ACP7: variants seen among roughly 807,000 people sequenced by gnomAD.
ACP7 encodes acid phosphatase 7, tartrate resistant (putative), also known as acid phosphatase type 7.
ACP7 carries 58 observed loss-of-function variants against 60.6 expected under a neutral mutation model. The ratio of observed to expected loss-of-function variants is 0.96; its 90% CI spans 0.77 to 1.19. ACP7 has a LOEUF of 1.19. Among genes scored for constraint, ACP7 ranks in the 50% most tolerant of loss-of-function variants. ACP7 has a pLI of 0.00. For missense variants in ACP7, 574 were observed against 596.2 expected, an observed-to-expected ratio of 0.96 and a Z score of 0.39; for synonymous variants, 237 against 232.6, an observed-to-expected ratio of 1.02 and a Z score of -0.17.
intron 12 of ACP7, among the ~76,000 whole-genome samples, chr19:39,109,079 C>T (rs905609766): frequency 1.3e-5 from 2 of 152,174 alleles, no homozygotes; most frequent in Non-Finnish European, 1.5e-5. Flanking sequence ...ACCTGGGCCT[C>T]CCAAAGTGCT....
Position 39,110,273 on chromosome 19 carries a change from G to A in ACP7, c.*155G>A. The A allele has an allele frequency of 1.4e-6, 1 of 693,958 alleles. No individual in the cohort carries two copies. The highest frequency in any genetic ancestry group is 2.4e-6 in the Non-Finnish European group (1 of 410,888). The allele number at this position is 693,958 out of a possible 1,614,324, so 43.0% of individuals were successfully genotyped here. On this transcript the variant is annotated 3_prime_UTR_variant, in exon 13 of 13. Transcript: ENST00000331256. ...GTACATGCAGCCCTATGGAGCTGGG[G>A]CAGCTGTTCCCTCCTGGAGAGGTGG...
chr19:39,093,480 C>A (rs1313748159), intron 2 of ACP7, among the ~76,000 whole-genome samples: 1 of 152,110 alleles, frequency 6.6e-6, no homozygotes, highest in Non-Finnish European at 1.5e-5. Flanking sequence ...TCTCGAACTC[C>A]TGACCTCAAG....
intron 12 of ACP7, among the ~76,000 whole-genome samples, chr19:39,109,271 T>G (rs2073443118): frequency 6.6e-6 from 1 of 152,122 alleles, no homozygotes; most frequent in Non-Finnish European, 1.5e-5. Flanking sequence ...ATAGCTACCA[T>G]TTATCGAGTG....
chr19:39,099,579 T>G (rs1568480387), intron 4 of ACP7, among the ~76,000 whole-genome samples: 2 of 152,104 alleles, frequency 1.3e-5, no homozygotes, highest in Non-Finnish European at 2.9e-5. Flanking sequence ...TTGGGGATTG[T>G]GTGCTTCAAA....
At chr19:39,095,996 G>A (rs908087074) in intron 2 of ACP7, among the ~76,000 whole-genome samples, 2 of 152,170 alleles carry the variant, frequency 1.3e-5, no homozygotes, top group African/African-American at 4.8e-5. Flanking sequence ...GGGACCCTGG[G>A]CCCTGCCCAT....
chr19:39,090,027 T>C (rs1477445826), intron 2 of ACP7, among the ~76,000 whole-genome samples: 1 of 152,242 alleles, frequency 6.6e-6, no homozygotes, highest in African/African-American at 2.4e-5. Flanking sequence ...CAATGTTTGC[T>C]CACTAATTTT....
intron 2 of ACP7, among the ~76,000 whole-genome samples, chr19:39,088,184 G>A (rs983509352): frequency 1.3e-5 from 2 of 151,846 alleles, no homozygotes; most frequent in African/African-American, 4.8e-5. Context: ...ACCATGCCTG[G>A]CTAATTCTTT....
In ACP7 at chr19:39,100,957, T is replaced by C. The variant is rs1437113522; in HGVS notation, c.816T>C (p.Asn272=). 1.4e-6 allele frequency: 2 copies of C among 1,473,706 alleles called. No homozygotes were observed. Among genetic ancestry groups the C allele is most frequent in the South Asian group, 1.1e-5 (1 of 89,036 alleles). 91.3% of individuals were successfully genotyped at this position (1,473,706 alleles called of 1,614,324 possible). The change falls in exon 8 of 13, where the codon AAT becomes AAC. Residue 272 remains asparagine (N), a synonymous_variant. Transcript: ENST00000331256. ...TGGGCCCTTCTCCCTAGAAAGCCAATAAGAACCGGGCAGCCCGGCCGTGGA... is the reference window on the plus strand; with the variant it reads ...TGGGCCCTTCTCCCTAGAAAGCCAACAAGAACCGGGCAGCCCGGCCGTGGA... ...RWLESDLQKA[N]KNRAARPWII...
At chr19:39,103,439 G>C (rs1312020329) in intron 11 of ACP7, among the ~76,000 whole-genome samples, 1 of 58,230 alleles carries the variant, frequency 1.7e-5, no homozygotes, top group East Asian at 4.9e-4. Flanking sequence ...GGATCATCAT[G>C]TGTTTTTTTT....
At chr19:39,101,936 T>A (rs1212209333) in intron 11 of ACP7, among the ~76,000 whole-genome samples, 7 of 118,548 alleles carry the variant, frequency 5.9e-5, no homozygotes, top group Non-Finnish European at 1.2e-4. Flanking sequence ...CAAAACCTTG[T>A]CTATACAAAA....
At chr19:39,090,650 T>G (rs1477258853) in intron 2 of ACP7, among the ~76,000 whole-genome samples, 3 of 151,436 alleles carry the variant, frequency 2.0e-5, no homozygotes, top group Admixed American at 6.6e-5. Flanking sequence ...TGCCTGGCAA[T>G]TTTTGTATTT....
rs2073344333 is a variant in ACP7 at position 39,101,452 on chromosome 19, G to T, written c.1042-14G>T. The T allele has an allele frequency of 6.2e-7, 1 of 1,614,018 alleles. No individual in the cohort carries two copies. On this transcript the variant is annotated splice_polypyrimidine_tract_variant and intron_variant, in intron 10 of 12. Transcript: ENST00000331256. Reference sequence around the variant, plus strand: ...GAGTGACTGCCTGCCACCCAACGTTGTTCCCTTCCCCAGGTATTTAACGGC... The same window carrying T: ...GAGTGACTGCCTGCCACCCAACGTTTTTCCCTTCCCCAGGTATTTAACGGC...
At chr19:39,104,348 G>T (rs561834863) in intron 11 of ACP7, among the ~76,000 whole-genome samples, 2 of 152,108 alleles carry the variant, frequency 1.3e-5, no homozygotes, top group Admixed American at 6.6e-5. Flanking sequence ...TGCCCTAGTG[G>T]TTCTCAAACT....
At chr19:39,102,769 C>CTTTCTTTCTTTCTT (rs1568482786) in intron 11 of ACP7, among the ~76,000 whole-genome samples, 9 of 19,208 alleles carry the variant, frequency 4.7e-4, no homozygotes, top group African/African-American at 1.5e-3. Flanking sequence ...CTTTCTTTCT[C>CTTTCTTTCTTTCTT]TCTCTCTCTC....
intron 10 of ACP7, 41 bp downstream of exon 10, chr19:39,101,396 CA>C: frequency 6.2e-7 from 1 of 1,613,834 alleles, no homozygotes; most frequent in Non-Finnish European, 8.5e-7. Flanking sequence ...CAGCTGGGGT[CA>C]GGGTGGTCAG....
At position 39,101,006 on chromosome 19, in the gene ACP7, A is replaced by G. The variant is rs1321402942; in HGVS notation, c.865A>G (p.Met289Val). 9 of 1,612,968 alleles carry G rather than the reference A, an allele frequency of 5.6e-6. No individual in the cohort carries two copies. The highest frequency in any genetic ancestry group is 7.6e-6 in the Non-Finnish European group (9 of 1,179,864). Reference sequence around the variant, plus strand: ...GATCATCACTATGGGGCACCGGCCCATGTACTGCTCCAACGCAGATCTGGA... The same window carrying G: ...GATCATCACTATGGGGCACCGGCCCGTGTACTGCTCCAACGCAGATCTGGA... Reference protein sequence around the residue: ...PWIITMGHRPMYCSNADLDDC... With the variant: ...PWIITMGHRPVYCSNADLDDC... The change falls in exon 8 of 13, where the codon ATG (methionine) becomes GTG (valine). Residue 289 changes from methionine to valine, a missense_variant. Transcript: ENST00000331256.
rs1275104287 is a variant in ACP7 at position 39,106,978 on chromosome 19, T to C, written c.1145T>C (p.Val382Ala). The C allele has an allele frequency of 9.3e-6, 15 of 1,613,902 alleles. No individual in the cohort carries two copies. Among genetic ancestry groups the C allele is most frequent in the Non-Finnish European group, 1.3e-5 (15 of 1,179,998 alleles). The change falls in exon 12 of 13, where the codon GTC becomes GCC. Residue 382 changes from valine (V) to alanine (A), a missense_variant. Val to Ala is a moderately conservative substitution (Grantham distance 64, BLOSUM62 0). Transcript: ENST00000331256. Reference sequence around the variant, plus strand: ...GAGGAGCGGCTGACGCCCTTTGCTGTCTTCCCGAGGCCCTGGAGTGCCGTG... The same window carrying C: ...GAGGAGCGGCTGACGCCCTTTGCTGCCTTCCCGAGGCCCTGGAGTGCCGTG... ...GCEERLTPFA[V>A]FPRPWSAVRV...
rs916528954 is a variant in ACP7, at chr19:39,085,078, G to T, written c.-178-14G>T. On this transcript the variant is annotated splice_polypyrimidine_tract_variant and intron_variant, in intron 1 of 12. Transcript: ENST00000331256. ...TGTTCCTTAGCGATTCTTATTTTTG[G>T]TTTCTCTCTCCAGCACCTGGATAAC... The T allele has an allele frequency of 6.4e-6, 4 of 629,292 alleles. No individual in the cohort carries two copies. The highest frequency in any genetic ancestry group is 2.7e-5 in the South Asian group (1 of 37,530). 39.0% of individuals were successfully genotyped at this position (629,292 alleles called of 1,614,324 possible).
Position 39,101,544 on chromosome 19 carries a change from A to G in ACP7, c.1113+7A>G. 6.2e-7 allele frequency: 1 copy of G among 1,613,342 alleles called. No homozygotes were observed. The highest frequency in any genetic ancestry group is 8.5e-7 in the Non-Finnish European group (1 of 1,179,660). On this transcript the variant is annotated splice_region_variant and intron_variant, in intron 11 of 12. Transcript: ENST00000331256. ...CATCATCACAGGATCTGCTGTGAGCAGGGGGAAGGGTGGCTTTGCCTTCTC... is the reference window on the plus strand; with the variant it reads ...CATCATCACAGGATCTGCTGTGAGCGGGGGGAAGGGTGGCTTTGCCTTCTC...
Sources: allele counts gnomAD v4.1 joint callset (sites outside exome capture counted in the v4.1 genomes callset), GRCh38; gene constraint gnomAD v4.1.1; transcripts MANE v1.5; gene names NCBI Gene and HGNC (gene_info 2026-07-23, HGNC 2026-07-21).